UIMC1: variants seen among roughly 807,000 people sequenced by gnomAD.
The protein encoded by UIMC1 is BRCA1-A complex subunit RAP80.
Under a neutral mutation model 84.9 loss-of-function variants are expected in UIMC1, and 42 were observed. That is an observed-to-expected ratio of 0.49 (90% CI 0.39 to 0.64). UIMC1 has a LOEUF of 0.64. Ranked by LOEUF, UIMC1 falls within the 30% of genes least tolerant of loss-of-function variation. The pLI is 0.00. For synonymous variants in UIMC1, 281 were observed against 293.0 expected (o/e 0.96, Z 0.42); for missense variants, 825 against 847.6 (o/e 0.97, Z 0.33).
intron 5 of UIMC1, 43 bp downstream of exon 5, chr5:176,969,558 G>A (rs902337313): frequency 3.2e-6 from 5 of 1,581,896 alleles, no homozygotes; most frequent in Non-Finnish European, 4.3e-6. Flanking sequence ...CTGTGGTACA[G>A]TTATACTTGA....
chr5:176,968,473 G>A, intron 6 of UIMC1, 82 bp downstream of exon 6: 1 of 1,509,452 alleles, frequency 6.6e-7, no homozygotes, highest in South Asian at 1.4e-5. Flanking sequence ...AGGAGGGGAA[G>A]ACCACAAAAA....
chr5:177,007,901 T>TA (rs923009833), upstream of UIMC1, among the ~76,000 whole-genome samples: 7 of 152,220 alleles, frequency 4.6e-5, no homozygotes, highest in African/African-American at 9.6e-5. Context: ...GGTCAGGAGT[T>TA]AGAGACTAGC....
Position 176,943,366 on chromosome 5 carries a change from C to G in UIMC1, c.1566G>C (p.Met522Ile). The change falls in exon 10 of 15, where the codon ATG (methionine) becomes ATC (isoleucine). Residue 522 changes from methionine to isoleucine, a missense_variant. Physicochemically the swap from Met to Ile is conservative, Grantham distance 10. Transcript: ENST00000511320. The part of the protein sequence containing the change: ...FPPTKIERHA[M>I]YCNGLMEEDT... ...CTTCCTCCATCAGACCATTGCAGTA[C>G]ATGGCATGTCGTTCAATCTTTGTGG... 4 of 1,614,092 alleles carry G rather than the reference C, an allele frequency of 2.5e-6. No individual in the cohort carries two copies. The highest frequency in any genetic ancestry group is 3.4e-6 in the Non-Finnish European group (4 of 1,180,004).
At chr5:176,938,685 C>T (rs887650897) in intron 10 of UIMC1, among the ~76,000 whole-genome samples, 5 of 152,092 alleles carry the variant, frequency 3.3e-5, no homozygotes, top group African/African-American at 1.2e-4. Flanking sequence ...GGGAAAGGGC[C>T]CTCTACCTTG....
At chr5:176,937,067 G>T (rs1763797155) in intron 10 of UIMC1, among the ~76,000 whole-genome samples, 1 of 152,100 alleles carries the variant, frequency 6.6e-6, no homozygotes, top group African/African-American at 2.4e-5. Flanking sequence ...AGTAAATGGG[G>T]GCTTTTATTC....
At chr5:177,009,005 GTTTTTTGGTGTT>G (rs1188182989), upstream of UIMC1, among the ~76,000 whole-genome samples, 21 of 151,478 alleles carry the variant, frequency 1.4e-4, no homozygotes, top group South Asian at 6.3e-4. The surrounding 1 kb of genome is among the most constrained non-coding windows in gnomAD (Gnocchi z 4.3). Context: ...TATGTTTATG[GTTTTTTGGTGTT>G]TTTTTTTTTT....
chr5:176,911,241 TG>T, intron 11 of UIMC1, 69 bp downstream of exon 11: 2 of 1,288,972 alleles, frequency 1.6e-6, no homozygotes, highest in Non-Finnish European at 2.1e-6. Context: ...AGATAGGAAT[TG>T]GTCTTTTTAT....
At position 176,982,588 on chromosome 5, in the gene UIMC1, CTTT is replaced by C. The variant is rs1478899768; in HGVS notation, c.25_27del (p.Lys9del). On this transcript the variant is annotated inframe_deletion, in exon 2 of 15. Coordinates refer to ENST00000511320, the MANE Select transcript of UIMC1 (RefSeq NM_001199298.2). ...TCCAGGTTCCGAGATTCGGAGACTTCTTTAACTTTTTTCTTTCTCCGTGGCATC... is the reference window on the plus strand; with the variant it reads ...TCCAGGTTCCGAGATTCGGAGACTTCAACTTTTTTCTTTCTCCGTGGCATC... The C allele has an allele frequency of 7.4e-6, 12 of 1,613,928 alleles. No homozygotes were observed. The highest frequency in any genetic ancestry group is 1.6e-4 in the Middle Eastern group (1 of 6,062).
intron 1 of UIMC1, among the ~76,000 whole-genome samples, chr5:176,985,073 C>T (rs1771757098): frequency 6.6e-6 from 1 of 151,956 alleles, no homozygotes; most frequent in Non-Finnish European, 1.5e-5. Context: ...CCAAGAAACA[C>T]CCAAGAATGA....
At chr5:176,952,438 G>C (rs394335) in intron 8 of UIMC1, among the ~76,000 whole-genome samples, 41,664 of 151,920 alleles carry the variant, frequency 0.27, 5,762 homozygotes, top group Middle Eastern at 0.35. Context: ...TAGTTCAGGG[G>C]CCAGAAAACT....
At chr5:176,959,888 G>A (rs955265282) in intron 6 of UIMC1, among the ~76,000 whole-genome samples, 8 of 151,860 alleles carry the variant, frequency 5.3e-5, no homozygotes, top group South Asian at 4.2e-4. Flanking sequence ...AAAATTAGCC[G>A]GGCATGGTGG....
At chr5:176,931,878 G>A (rs1763127887) in intron 10 of UIMC1, among the ~76,000 whole-genome samples, 1 of 152,122 alleles carries the variant, frequency 6.6e-6, no homozygotes, top group South Asian at 2.1e-4. Context: ...GGAGGCTGAG[G>A]GAGAGAACTG....
intron 10 of UIMC1, among the ~76,000 whole-genome samples, chr5:176,942,392 C>T (rs1221528109): frequency 6.6e-6 from 1 of 152,130 alleles, no homozygotes; most frequent in Non-Finnish European, 1.5e-5. Context: ...AGGTCCACTG[C>T]ACTGCACTGA....
chr5:176,994,019 A>G (rs1735617005), intron 1 of UIMC1, among the ~76,000 whole-genome samples: 1 of 152,006 alleles, frequency 6.6e-6, no homozygotes. Context: ...AAAAAAAAAA[A>G]AAAAGAAGAA....
At chr5:176,985,400 G>A (rs1771811902) in intron 1 of UIMC1, among the ~76,000 whole-genome samples, 1 of 149,742 alleles carries the variant, frequency 6.7e-6, no homozygotes, top group African/African-American at 2.5e-5. Context: ...AGGTTGCAGT[G>A]AGCTGAGATC....
chr5:176,927,093 T>A (rs1300285430), intron 10 of UIMC1, among the ~76,000 whole-genome samples: 1 of 151,980 alleles, frequency 6.6e-6, no homozygotes, highest in African/African-American at 2.4e-5. Context: ...CAGGTATGGT[T>A]GGCTCATGCT....
chr5:176,951,528 AG>A lies in UIMC1; in HGVS notation c.1388del (p.Ser463PhefsTer13). ...CATCCAAGATATCTCTGCTACCTGGAGAGACTTCTCTTTCAAGGTCAAAAGT... is the reference window on the plus strand; with the variant it reads ...CATCCAAGATATCTCTGCTACCTGGAAGACTTCTCTTTCAAGGTCAAAAGT... The part of the protein sequence containing the change: ...SETFDLEREV[S>X]PGSRDILDGV... On this transcript the variant is annotated frameshift_variant, in exon 9 of 15. Transcript: ENST00000511320. LOFTEE classifies it high-confidence loss of function. 6.3e-7 allele frequency: 1 copy of A among 1,590,568 alleles called. No individual in the cohort carries two copies. Among genetic ancestry groups the A allele is most frequent in the Non-Finnish European group, 8.5e-7 (1 of 1,169,958 alleles).
intron 10 of UIMC1, among the ~76,000 whole-genome samples, chr5:176,932,811 C>T (rs1276892835): frequency 6.6e-6 from 1 of 151,418 alleles, no homozygotes; most frequent in Non-Finnish European, 1.5e-5. Flanking sequence ...GCCGCACCTC[C>T]TCTTCATTCT....
At chr5:176,965,475 A>AT (rs1314394449) in intron 6 of UIMC1, among the ~76,000 whole-genome samples, 1 of 151,860 alleles carries the variant, frequency 6.6e-6, no homozygotes, top group Non-Finnish European at 1.5e-5. Flanking sequence ...TCCTCTTTTA[A>AT]TTTTTTTATT....
Sources: gnomAD v4.1 joint callset for allele counts (sites outside exome capture counted in the v4.1 genomes callset) on GRCh38, gnomAD v4.1.1 for gene constraint, Gnocchi (gnomAD v3.1) non-coding constraint, MANE v1.5 for transcripts, NCBI Gene and HGNC (gene_info 2026-07-23, HGNC 2026-07-21) for gene names.